The following RPS21 variants were observed in gnomAD, a reference collection of about 807,000 sequenced individuals.
RPS21 encodes ribosomal protein S21, also known as small ribosomal subunit protein eS21.
A neutral mutation model predicts 14.5 loss-of-function variants in RPS21; 6 were observed. That is an observed-to-expected ratio of 0.41 (90% CI 0.23 to 0.82). The LOEUF is 0.82. Among genes scored for constraint, RPS21 ranks in the 40% least tolerant of loss-of-function variants. The pLI, the probability that RPS21 is intolerant of heterozygous loss-of-function variation, is 0.31. For synonymous variants in RPS21, 61 were observed against 42.6 expected, an observed-to-expected ratio of 1.43 and a Z score of -1.69; for missense variants, 85 against 115.0, an observed-to-expected ratio of 0.74 and a Z score of 1.19.
chr20:62,388,102 A>ACT lies in RPS21; in HGVS notation c.186+191_186+192dup. On this transcript the variant is annotated intron_variant, in intron 4 of 5. Transcript: ENST00000343986. ...CTCTGAGAAGACACTCAGGCAGCAG[A>ACT]CTCTGCCTCTCACTAGGAGGTGCCC... 3.3e-6 allele frequency: 5 copies of ACT among 1,523,650 alleles called. No individual in the cohort carries two copies. The South Asian group carries it at 4.9e-5, about 15-fold the overall frequency. 94.4% of individuals were successfully genotyped at this position (1,523,650 alleles called of 1,614,324 possible).
In RPS21 at chr20:62,387,297, CGGCGCCGCGCGGTGACTCCCCA is replaced by C; in HGVS notation, c.-18-18_-15del. 1 of 1,559,580 alleles carries C rather than the reference CGGCGCCGCGCGGTGACTCCCCA, an allele frequency of 6.4e-7. No individual in the cohort carries two copies. Among genetic ancestry groups the C allele is most frequent in the Non-Finnish European group, 8.7e-7 (1 of 1,152,496 alleles). ...CGGGGCACGGTTCCGGCCGTACTCA[CGGCGCCGCGCGGTGACTCCCCA>C]GGCGCAGCCCAGCCTCGAAATGCAG... On this transcript the variant is annotated splice_acceptor_variant and splice_polypyrimidine_tract_variant and intron_variant, in intron 1 of 5. Transcript: ENST00000343986. LOFTEE classifies it low-confidence loss of function (5UTR_SPLICE).
At chr20:62,387,466 C>A in intron 2 of RPS21, 78 bp downstream of exon 2, 2 of 1,591,970 alleles carry the variant, frequency 1.3e-6, no homozygotes, top group Non-Finnish European at 1.7e-6. Flanking sequence ...TCCCCCACAC[C>A]CCTCCCGTCC....
At chr20:62,388,228 G>A in intron 4 of RPS21, 81 bp from the exon 5 acceptor site, 2 of 1,500,950 alleles carry the variant, frequency 1.3e-6, no homozygotes, top group Non-Finnish European at 1.8e-6. Flanking sequence ...AGAGACGTGG[G>A]CTGGTGGCAC....
intron 2 of RPS21, 41 bp from the exon 3 acceptor site, chr20:62,387,570 C>G: frequency 6.3e-7 from 1 of 1,596,616 alleles, no homozygotes; most frequent in South Asian, 1.1e-5. Flanking sequence ...TTCATTCTTA[C>G]CGCCCAAGTC....
intron 4 of RPS21, 65 bp downstream of exon 4, chr20:62,387,979 AGT>A: frequency 6.2e-7 from 1 of 1,613,844 alleles, no homozygotes; most frequent in Non-Finnish European, 8.5e-7. Context: ...TGCGCATTGG[AGT>A]GTGTGATGGT....
Position 62,388,506 on chromosome 20 carries a change from A to T in RPS21, c.*40A>T. 6.2e-7 allele frequency: 1 copy of T among 1,607,442 alleles called. No individual in the cohort carries two copies. ...AGATGTGGAATATTTGTCATAAATA[A>T]ATAATGAAAACCTACCTGTGCAGGT... is the stretch of plus-strand genomic sequence containing the variant. On this transcript the variant is annotated 3_prime_UTR_variant, in exon 6 of 6. Coordinates refer to ENST00000343986, the MANE Select transcript of RPS21 (RefSeq NM_001024.4).
intron 4 of RPS21, 41 bp from the exon 5 acceptor site, chr20:62,388,268 G>T (rs746850940): frequency 6.4e-7 from 1 of 1,573,898 alleles, no homozygotes; most frequent in South Asian, 1.2e-5. Flanking sequence ...CAGGCAGCCG[G>T]AGTGGAAATA....
chr20:62,388,390 C>T, intron 5 of RPS21, 26 bp downstream of exon 5: 1 of 1,609,298 alleles, frequency 6.2e-7, no homozygotes, highest in Non-Finnish European at 8.5e-7. Flanking sequence ...CACATTTGGG[C>T]AGAGTGAGTG....
In RPS21 at chr20:62,387,316, C is replaced by T; in HGVS notation, c.-18-5C>T. 1.9e-6 allele frequency: 3 copies of T among 1,584,936 alleles called. No homozygotes were observed. The highest frequency in any genetic ancestry group is 2.6e-6 in the Non-Finnish European group (3 of 1,166,866). ...TACTCACGGCGCCGCGCGGTGACTC[C>T]CCAGGCGCAGCCCAGCCTCGAAATG... On this transcript the variant is annotated splice_region_variant and splice_polypyrimidine_tract_variant and intron_variant, in intron 1 of 5. Coordinates refer to ENST00000343986, the MANE Select transcript of RPS21 (RefSeq NM_001024.4).
In RPS21 at chr20:62,387,313, C is replaced by T. The variant is rs746574798; in HGVS notation, c.-18-8C>T. 6.3e-7 allele frequency: 1 copy of T among 1,581,552 alleles called. No individual in the cohort carries two copies. Among genetic ancestry groups the T allele is most frequent in the Non-Finnish European group, 8.6e-7 (1 of 1,165,158 alleles). ...CCGTACTCACGGCGCCGCGCGGTGA[C>T]TCCCCAGGCGCAGCCCAGCCTCGAA... On this transcript the variant is annotated splice_region_variant and splice_polypyrimidine_tract_variant and intron_variant, in intron 1 of 5. Coordinates refer to ENST00000343986, the MANE Select transcript of RPS21 (RefSeq NM_001024.4).
At position 62,388,289 on chromosome 20, in the gene RPS21, G is replaced by A. The variant is rs944159707; in HGVS notation, c.187-20G>A. The A allele has an allele frequency of 6.4e-6, 10 of 1,556,256 alleles. No homozygotes were observed. Among genetic ancestry groups the A allele is most frequent in the Non-Finnish European group, 7.8e-6 (9 of 1,153,554 alleles). The stretch of plus-strand genomic sequence containing the variant: ...GCCGGAGTGGAAATATTCTTAGTGT[G>A]CTTTTTTTTTTTTCTTAAGGGTGAG... On this transcript the variant is annotated intron_variant, in intron 4 of 5. Transcript: ENST00000343986.
At chr20:62,387,205 G>A (rs1450118748) in intron 1 of RPS21, 69 bp downstream of exon 1, 13 of 704,754 alleles carry the variant, frequency 1.8e-5, no homozygotes, top group Non-Finnish European at 1.1e-5. Context: ...TTGGACGCGG[G>A]GGACGGGGTG....
At chr20:62,387,805 C>T in intron 3 of RPS21, 38 bp from the exon 4 acceptor site, 1 of 1,613,806 alleles carries the variant, frequency 6.2e-7, no homozygotes, top group Non-Finnish European at 8.5e-7. Context: ...GTTTCCCAAA[C>T]CTGGGGGAGT....
At chr20:62,387,450 C>T in intron 2 of RPS21, 62 bp downstream of exon 2, 2 of 1,598,474 alleles carry the variant, frequency 1.3e-6, no homozygotes, top group Non-Finnish European at 1.7e-6. Context: ...CCTCGCCTGC[C>T]CTTGTTCCCC....
At chr20:62,387,816 G>A (rs747660155) in intron 3 of RPS21, 27 bp from the exon 4 acceptor site, 4 of 1,613,896 alleles carry the variant, frequency 2.5e-6, no homozygotes, top group Non-Finnish European at 3.4e-6. Context: ...CTGGGGGAGT[G>A]GTTTGTGACC....
rs1265987688 is a variant in RPS21, at chr20:62,388,301, T to C, written c.187-8T>C. 3 of 1,584,036 alleles carry C rather than the reference T, an allele frequency of 1.9e-6. No individual in the cohort carries two copies. Among genetic ancestry groups the C allele is most frequent in the Admixed American group, 2.1e-5 (1 of 48,672 alleles). Reference sequence around the variant, plus strand: ...ATATTCTTAGTGTGCTTTTTTTTTTTTCTTAAGGGTGAGTCAGATGATTCC... The same window carrying C: ...ATATTCTTAGTGTGCTTTTTTTTTTCTCTTAAGGGTGAGTCAGATGATTCC... On this transcript the variant is annotated splice_polypyrimidine_tract_variant and splice_region_variant and intron_variant, in intron 4 of 5. Transcript: ENST00000343986.
chr20:62,388,432 C>T lies in RPS21; in HGVS notation c.243-25C>T, dbSNP rs374043678. 1.3e-4 allele frequency: 202 copies of T among 1,613,766 alleles called. 1 individual carries two copies. The highest frequency in any genetic ancestry group is 3.1e-4 in the South Asian group (28 of 91,060). On this transcript the variant is annotated intron_variant, in intron 5 of 5. Transcript: ENST00000343986. ...GACTGCTCCAGAGGCGTGGTCTTAA[C>T]GTTGTCCTTTTCCCCTGGTTCTAGG...
intron 4 of RPS21, 23 bp downstream of exon 4, chr20:62,387,937 C>CTG (rs1987798462): frequency 6.2e-7 from 1 of 1,614,228 alleles, no homozygotes; most frequent in Non-Finnish European, 8.5e-7. Flanking sequence ...CTGGGCTTTG[C>CTG]TCATCACTTC....
At position 62,388,314 on chromosome 20, in the gene RPS21, G is replaced by A. The variant is rs1378748116; in HGVS notation, c.192G>A (p.Glu64=). 1.9e-6 allele frequency: 3 copies of A among 1,588,166 alleles called. No homozygotes were observed. The highest frequency in any genetic ancestry group is 2.3e-5 in the South Asian group (2 of 85,788). ...AICGAIRRMG[E]SDDSILRLAK... is the part of the protein sequence containing the mutation. ...GCTTTTTTTTTTTTCTTAAGGGTGAGTCAGATGATTCCATTCTCCGATTGG... is the reference window on the plus strand; with the variant it reads ...GCTTTTTTTTTTTTCTTAAGGGTGAATCAGATGATTCCATTCTCCGATTGG... Residue 64 remains glutamate (E), a synonymous_variant, in exon 5 of 6, where the codon GAG becomes GAA. Coordinates refer to ENST00000343986, the MANE Select transcript of RPS21 (RefSeq NM_001024.4).
Sources: gnomAD v4.1 joint callset for allele counts on GRCh38, gnomAD v4.1.1 for gene constraint, MANE v1.5 for transcripts, NCBI Gene and HGNC (gene_info 2026-07-23, HGNC 2026-07-21) for gene names.